Variants in MBP observed in about 807,000 individuals in gnomAD.
The protein encoded by MBP is myelin basic protein.
MBP carries 16 observed loss-of-function variants against 35.8 expected under a neutral mutation model. The ratio of observed to expected loss-of-function variants is 0.45; its 90% CI spans 0.30 to 0.68. The LOEUF (loss-of-function observed/expected upper bound fraction) is 0.68. MBP is among the 30% of genes least tolerant of loss of function. The probability of loss-of-function intolerance (pLI) is 0.08; values close to 1 mark genes in which losing one functional copy is unlikely to be tolerated. For missense variants in MBP, 380 were observed against 404.7 expected (o/e 0.94, Z 0.52); for synonymous variants, 143 against 159.6 (o/e 0.90, Z 0.78).
intron 2 of MBP, chr18:77,066,658 A>G: frequency 1.5e-6 from 1 of 655,672 alleles, no homozygotes; most frequent in Non-Finnish European, 2.9e-6. Context: ...CCTAGGTAAA[A>G]TAAATTAGCT....
chr18:77,017,262 G>A lies in MBP; in HGVS notation c.146C>T (p.Ala49Val). 1.3e-6 allele frequency: 2 copies of A among 1,508,672 alleles called. No individual in the cohort carries two copies. Among genetic ancestry groups the A allele is most frequent in the African/African-American group, 1.4e-5 (1 of 71,706 alleles). 93.5% of individuals were successfully genotyped at this position (1,508,672 alleles called of 1,614,324 possible). The change falls in exon 4 of 9, where the codon GCA becomes GTA. Residue 49 changes from alanine (A) to valine (V), a missense_variant. Transcript: ENST00000355994. ...GGTCCCATTGTTCTGGTTCGCATCT[G>A]CCTCTCCTGCAAACAACAATGAGAT... ...TSEDNEVFGE[A>V]DANQNNGTSS... is the part of the protein sequence containing the mutation.
At chr18:77,116,978 C>T (rs773538601) in intron 1 of MBP, among the ~76,000 whole-genome samples, 1 of 152,224 alleles carries the variant, frequency 6.6e-6, no homozygotes, top group Admixed American at 6.5e-5. Flanking sequence ...CTGGCTGCTA[C>T]GTGGTTTGTG....
chr18:77,087,901 C>T (rs1555727278), intron 2 of MBP, among the ~76,000 whole-genome samples: 4 of 152,044 alleles, frequency 2.6e-5, no homozygotes, highest in Non-Finnish European at 5.9e-5. Context: ...TGACACCCCG[C>T]GGGGCAGGGG....
At chr18:77,054,380 T>C (rs470685) in intron 3 of MBP, among the ~76,000 whole-genome samples, 152,268 of 152,360 alleles carry the variant, frequency 1, 76,088 homozygotes, top group Non-Finnish European at 1. Context: ...AGGGCAGAGC[T>C]TGTGCTTCAG....
chr18:77,059,354 T>C (rs551671029), intron 3 of MBP, among the ~76,000 whole-genome samples: 28 of 152,148 alleles, frequency 1.8e-4, no homozygotes, highest in Non-Finnish European at 3.1e-4. Context: ...TGTCAGGTAG[T>C]TGAATTATTT....
At chr18:77,111,556 C>T (rs554491878) in intron 1 of MBP, among the ~76,000 whole-genome samples, 13 of 152,338 alleles carry the variant, frequency 8.5e-5, no homozygotes, top group African/African-American at 1.4e-4. Flanking sequence ...GCCCTGGTGT[C>T]GTGTGAGCCC....
At chr18:77,047,420 C>T (rs1260955569) in intron 3 of MBP, among the ~76,000 whole-genome samples, 6 of 152,228 alleles carry the variant, frequency 3.9e-5, no homozygotes, top group African/African-American at 9.6e-5. Flanking sequence ...ATCCAGGACA[C>T]GCAAATCCAC....
intron 4 of MBP, among the ~76,000 whole-genome samples, chr18:76,997,591 G>A (rs1250709719): frequency 6.6e-6 from 1 of 152,260 alleles, no homozygotes; most frequent in Non-Finnish European, 1.5e-5. Flanking sequence ...CTGAGCACGG[G>A]AAGAAAAGCC....
intron 4 of MBP, among the ~76,000 whole-genome samples, chr18:77,011,436 GATC>G (rs1309242124): frequency 6.6e-6 from 1 of 152,218 alleles, no homozygotes; most frequent in African/African-American, 2.4e-5. Flanking sequence ...TCACAAAGAA[GATC>G]ATCACTGTGA....
chr18:77,086,303 G>C (rs1975233245), intron 2 of MBP, among the ~76,000 whole-genome samples: 2 of 152,204 alleles, frequency 1.3e-5, no homozygotes, highest in Admixed American at 1.3e-4. Flanking sequence ...GTAACTGCAT[G>C]TGTTCCAAAG....
At chr18:77,068,842 C>T (rs1476691699) in intron 2 of MBP, 1 of 394,148 alleles carries the variant, frequency 2.5e-6, no homozygotes, top group Admixed American at 3.3e-5. Context: ...TCTGGCATTG[C>T]TAGAGATGTG....
rs570917592 is a variant in MBP at position 77,089,380 on chromosome 18, C to A, written c.51+15831G>T. Among the ~76,000 whole-genome samples the A allele has an allele frequency of 1.4e-3, 217 of 152,298 alleles. 2 individuals carry two copies. The highest frequency in any genetic ancestry group is 4.9e-3 in the African/African-American group (203 of 41,562). ...ATCCAGGTATGCCCTGATCCAATGA[C>A]TAGTGTCCTAAGGAGAGAAGACAGA... is the stretch of plus-strand genomic sequence containing the variant. On this transcript the variant is annotated intron_variant, in intron 2 of 8. Coordinates refer to ENST00000355994, the MANE Select transcript of MBP (RefSeq NM_001025101.2).
intron 7 of MBP, chr18:76,985,475 C>T (rs1969496918): frequency 3.4e-5 from 40 of 1,185,326 alleles, no homozygotes; most frequent in Non-Finnish European, 4.2e-5. Flanking sequence ...TGTCGAGCCT[C>T]GTATCTTTTA....
intron 2 of MBP, among the ~76,000 whole-genome samples, chr18:77,099,959 A>G (rs1343512873): frequency 3.3e-5 from 5 of 152,260 alleles, no homozygotes; most frequent in African/African-American, 1.2e-4. Context: ...GGTGTCAGAC[A>G]TGGCGGCAAA....
intron 2 of MBP, among the ~76,000 whole-genome samples, chr18:77,071,186 A>G (rs2144842032): frequency 6.6e-6 from 1 of 152,326 alleles, no homozygotes; most frequent in South Asian, 2.1e-4. Flanking sequence ...ATATTCTTAA[A>G]GTCCTGATTC....
intron 4 of MBP, chr18:77,009,812 C>G: frequency 2.6e-6 from 4 of 1,526,546 alleles, no homozygotes; most frequent in South Asian, 2.4e-5. Flanking sequence ...GCAGGTCACC[C>G]CTGGCCCCGA....
chr18:77,085,500 G>A (rs968747348), intron 2 of MBP, among the ~76,000 whole-genome samples: 2 of 151,998 alleles, frequency 1.3e-5, no homozygotes, highest in Non-Finnish European at 2.9e-5. Context: ...CCCTTTTAGG[G>A]CTCATGTAAG....
chr18:77,066,310 T>C lies in MBP; in HGVS notation c.127A>G (p.Asn43Asp). The change falls in exon 3 of 9, where the codon AAC (asparagine) becomes GAC (aspartate). Residue 43 changes from asparagine to aspartate, a missense_variant. Asn to Asp is a conservative substitution (Grantham distance 23, BLOSUM62 1). Coordinates refer to ENST00000355994, the MANE Select transcript of MBP (RefSeq NM_001025101.2). ...GELSRTTSED[N>D]EVFGEADANQ... Reference sequence around the variant, plus strand: ...CTGCGTCACCTACCGAACACTTCGTTGTCCTCTGAGGTTGTCCGTGAAAGT... The same window carrying C: ...CTGCGTCACCTACCGAACACTTCGTCGTCCTCTGAGGTTGTCCGTGAAAGT... 1 of 1,613,988 alleles carries C rather than the reference T, an allele frequency of 6.2e-7. No homozygotes were observed. The highest frequency in any genetic ancestry group is 1.1e-5 in the South Asian group (1 of 91,054).
intron 2 of MBP, among the ~76,000 whole-genome samples, chr18:77,080,247 G>A (rs1974837284): frequency 6.6e-6 from 1 of 152,214 alleles, no homozygotes; most frequent in Non-Finnish European, 1.5e-5. Flanking sequence ...TAGGAGCAGA[G>A]GACAGAATAT....
Sources: gnomAD v4.1 joint callset for allele counts (sites outside exome capture counted in the v4.1 genomes callset) on GRCh38, gnomAD v4.1.1 for gene constraint, MANE v1.5 for transcripts, NCBI Gene and HGNC (gene_info 2026-07-23, HGNC 2026-07-21) for gene names.